ELMO1: variants seen among roughly 807,000 people sequenced by gnomAD.
ELMO1 encodes the protein engulfment and cell motility protein 1.
Under a neutral mutation model 98.9 loss-of-function variants are expected in ELMO1, and 26 were observed. The ratio of observed to expected loss-of-function variants is 0.26; its 90% CI spans 0.19 to 0.36. ELMO1 has a LOEUF of 0.36. ELMO1 is among the 10% of genes least tolerant of loss of function. The probability of loss-of-function intolerance (pLI) is 1.00; values close to 1 mark genes in which losing one functional copy is unlikely to be tolerated. For synonymous variants in ELMO1, 346 were observed against 346.0 expected (o/e 1.00, Z 0.00); for missense variants, 627 against 935.2 (o/e 0.67, Z 4.30).
intron 16 of ELMO1, among the ~76,000 whole-genome samples, chr7:36,954,211 A>G (rs1177860119): frequency 1.3e-5 from 2 of 152,300 alleles, no homozygotes; most frequent in African/African-American, 4.8e-5. Context: ...GCAATGCTGC[A>G]GCCCAGGTGC....
chr7:37,169,053 C>T (rs1238735469), intron 13 of ELMO1, among the ~76,000 whole-genome samples: 1 of 152,154 alleles, frequency 6.6e-6, no homozygotes, highest in Non-Finnish European at 1.5e-5. Flanking sequence ...GGCGGGCACC[C>T]CTCCCCCAGC....
intron 15 of ELMO1, among the ~76,000 whole-genome samples, chr7:37,095,475 G>C (rs1225556303): frequency 1.3e-5 from 2 of 152,202 alleles, no homozygotes; most frequent in African/African-American, 4.8e-5. Flanking sequence ...AACCAGAGTA[G>C]GTGAATGCAG....
chr7:37,023,151 G>A (rs928874767), intron 15 of ELMO1, among the ~76,000 whole-genome samples: 1 of 152,296 alleles, frequency 6.6e-6, no homozygotes, highest in Non-Finnish European at 1.5e-5. Flanking sequence ...GCCTCTGAGG[G>A]TTGTTTAATA....
At chr7:36,944,329 C>T (rs1197901426) in intron 16 of ELMO1, among the ~76,000 whole-genome samples, 1 of 152,122 alleles carries the variant, frequency 6.6e-6, no homozygotes, top group Non-Finnish European at 1.5e-5. Context: ...CCAATTATCA[C>T]CATCTGTATT....
chr7:37,204,163 G>A, intron 13 of ELMO1: 1 of 456,476 alleles, frequency 2.2e-6, no homozygotes, highest in South Asian at 1.5e-5. Context: ...GGTCCCATCT[G>A]GGTGGCCAAA....
intron 15 of ELMO1, among the ~76,000 whole-genome samples, chr7:37,031,575 T>C (rs112947245): frequency 5.3e-5 from 8 of 152,300 alleles, no homozygotes; most frequent in African/African-American, 9.6e-5. Flanking sequence ...CCATTCTCTA[T>C]AGGCTGAGCC....
chr7:36,936,940 T>G (rs1261023206), intron 16 of ELMO1, among the ~76,000 whole-genome samples: 2 of 152,194 alleles, frequency 1.3e-5, no homozygotes, highest in Non-Finnish European at 2.9e-5. Context: ...GTTTCTTTTT[T>G]GGGCCACACT....
intron 14 of ELMO1, among the ~76,000 whole-genome samples, chr7:37,131,319 C>T (rs1164751121): frequency 1.3e-5 from 2 of 152,280 alleles, no homozygotes; most frequent in East Asian, 3.9e-4. Context: ...CCACACTTCT[C>T]TTTACAAATA....
chr7:37,262,899 G>C (rs1002515440), intron 5 of ELMO1, among the ~76,000 whole-genome samples: 4 of 152,308 alleles, frequency 2.6e-5, no homozygotes, highest in South Asian at 4.1e-4. Context: ...ATGAGATCAT[G>C]TTTAAGGTTC....
At chr7:36,891,718 A>C (rs998690345) in intron 17 of ELMO1, among the ~76,000 whole-genome samples, 1 of 152,230 alleles carries the variant, frequency 6.6e-6, no homozygotes, top group African/African-American at 2.4e-5. Flanking sequence ...CATTTTTGAT[A>C]TCTTCATTTT....
chr7:37,363,158 C>T (rs1224031850), intron 1 of ELMO1, among the ~76,000 whole-genome samples: 2 of 152,128 alleles, frequency 1.3e-5, no homozygotes, highest in Non-Finnish European at 2.9e-5. Flanking sequence ...CCTCTGATGA[C>T]TTCAGGTGCT....
intron 4 of ELMO1, among the ~76,000 whole-genome samples, chr7:37,274,918 AAACT>A (rs1199586883): frequency 6.6e-6 from 1 of 152,210 alleles, no homozygotes; most frequent in Non-Finnish European, 1.5e-5. Flanking sequence ...CAAAAGCAAT[AAACT>A]AACATTTATT....
intron 13 of ELMO1, among the ~76,000 whole-genome samples, chr7:37,167,617 T>C (rs1399759902): frequency 1.3e-5 from 2 of 151,840 alleles, no homozygotes; most frequent in Non-Finnish European, 1.5e-5. Flanking sequence ...TGGCTGGATA[T>C]GAAATTCTGG....
rs558295886 is a variant in ELMO1, at chr7:36,927,415, T to C, written c.1438-32398A>G. Among the ~76,000 whole-genome samples, 16 of 152,388 alleles carry C rather than the reference T, an allele frequency of 1.0e-4. 1 individual carries two copies. In the South Asian group the frequency reaches 3.3e-3, roughly 32 times the overall value. On this transcript the variant is annotated intron_variant, in intron 16 of 21. Transcript: ENST00000310758. The stretch of plus-strand genomic sequence containing the variant: ...ACAGAACACTTTTACGTGTTATGCC[T>C]GTTAACAATACCTTGAACACTTATT...
chr7:36,999,430 G>A (rs1584495527), intron 16 of ELMO1, among the ~76,000 whole-genome samples: 2 of 152,128 alleles, frequency 1.3e-5, no homozygotes, highest in Non-Finnish European at 2.9e-5. Flanking sequence ...CGAAGAGACC[G>A]GGATACAGGG....
In ELMO1 at chr7:36,956,456, A is replaced by C. The variant is rs888391973; in HGVS notation, c.1437+56843T>G. On this transcript the variant is annotated intron_variant, in intron 16 of 21. Transcript: ENST00000310758. ...CAAGGCCTTGTTCTCTTCTACATCC[A>C]AGAAGTAATTTCAGACCCAAATGCC... is the stretch of plus-strand genomic sequence containing the variant. 1.3e-5 allele frequency among the ~76,000 whole-genome samples: 2 copies of C among 152,178 alleles called. 1 individual carries two copies. Among genetic ancestry groups the C allele is most frequent in the African/African-American group, 4.8e-5 (2 of 41,430 alleles).
At chr7:37,202,466 G>A (rs1215254188) in intron 13 of ELMO1, among the ~76,000 whole-genome samples, 4 of 152,204 alleles carry the variant, frequency 2.6e-5, no homozygotes, top group African/African-American at 9.7e-5. Flanking sequence ...AAATCACACT[G>A]GGATCGGTGC....
Position 36,854,187 on chromosome 7 carries a change from A to G in ELMO1, c.*1364T>C, listed in dbSNP as rs1265466342. 6.6e-6 allele frequency among the ~76,000 whole-genome samples: 1 copy of G among 152,200 alleles called. No individual in the cohort carries two copies. The highest frequency in any genetic ancestry group is 1.5e-5 in the Non-Finnish European group (1 of 68,034). On this transcript the variant is annotated 3_prime_UTR_variant, in exon 22 of 22. Transcript: ENST00000310758. ...GCTCAGAGCCTATGGTGACCTAGCA[A>G]TGGTGGAGGGTTTCCCACAGCAGTG...
intron 13 of ELMO1, among the ~76,000 whole-genome samples, chr7:37,146,787 G>C (rs1788017841): frequency 6.6e-6 from 1 of 152,164 alleles, no homozygotes. Flanking sequence ...TATCCTGAGA[G>C]CAGAAAAATA....
Sources: allele counts gnomAD v4.1 joint callset (sites outside exome capture counted in the v4.1 genomes callset), GRCh38; gene constraint gnomAD v4.1.1; transcripts MANE v1.5; gene names NCBI Gene and HGNC (gene_info 2026-07-23, HGNC 2026-07-21).